The following THRB variants were observed in gnomAD, a reference collection of about 807,000 sequenced individuals.
THRB encodes the protein thyroid hormone receptor beta.
A neutral mutation model predicts 47.8 loss-of-function variants in THRB; 12 were observed. The observed-to-expected ratio is 0.25, with a 90% confidence interval of 0.16 to 0.41. The LOEUF is 0.41. THRB is among the 10% of genes least tolerant of loss of function. THRB has a pLI of 1.00. For synonymous variants in THRB, 218 were observed against 212.2 expected, an observed-to-expected ratio of 1.03 and a Z score of -0.24; for missense variants, 348 against 589.2, an observed-to-expected ratio of 0.59 and a Z score of 4.24.
intron 3 of THRB, among the ~76,000 whole-genome samples, chr3:24,237,347 C>G (rs1340556287): frequency 6.6e-6 from 1 of 152,170 alleles, no homozygotes; most frequent in East Asian, 1.9e-4. Context: ...ATAATTCAAC[C>G]AGGGTCTATG....
rs1381997703 is a variant in THRB, at chr3:24,143,940, C to T, written c.533-234G>A. The T allele has an allele frequency of 2.6e-5, 15 of 574,744 alleles. No homozygotes were observed. In the East Asian group the frequency reaches 4.2e-4, roughly 16 times the overall value. 35.6% of individuals were successfully genotyped at this position (574,744 alleles called of 1,614,324 possible). ...CCCATGACCGGCCAGCTTTTCAAAA[C>T]AAAGTCCCCAGAGAACCTAGACACT... On this transcript the variant is annotated intron_variant, in intron 7 of 10. Coordinates refer to ENST00000646209, the MANE Select transcript of THRB (RefSeq NM_001354712.2).
chr3:24,210,325 G>A (rs6800891), intron 4 of THRB, among the ~76,000 whole-genome samples: 22,831 of 152,086 alleles, frequency 0.15, 5,003 homozygotes, highest in African/African-American at 0.48. Flanking sequence ...TTCATGTGAA[G>A]ATTATTTGTT....
chr3:24,374,531 T>C (rs963886324), intron 1 of THRB, among the ~76,000 whole-genome samples: 7 of 152,260 alleles, frequency 4.6e-5, no homozygotes, highest in African/African-American at 1.4e-4. Flanking sequence ...ATAAATAGAC[T>C]TCAGGGCTGA....
intron 2 of THRB, among the ~76,000 whole-genome samples, chr3:24,299,928 G>A (rs903838897): frequency 3.9e-5 from 6 of 151,900 alleles, no homozygotes; most frequent in East Asian, 1.9e-4. Flanking sequence ...AAGAGGAGCA[G>A]GACAGCTTTG....
chr3:24,209,822 A>T (rs1008951035), intron 4 of THRB, among the ~76,000 whole-genome samples: 16 of 151,676 alleles, frequency 1.1e-4, no homozygotes, highest in South Asian at 4.2e-4. Context: ...TTAAAATATT[A>T]AAAAAAAATG....
At chr3:24,264,743 A>G (rs1046592221) in intron 3 of THRB, among the ~76,000 whole-genome samples, 6 of 151,972 alleles carry the variant, frequency 3.9e-5, no homozygotes, top group East Asian at 1.9e-4. Flanking sequence ...CTGAAAATCA[A>G]TGTTTCAAAT....
chr3:24,253,967 T>G (rs951001639), intron 3 of THRB, among the ~76,000 whole-genome samples: 1 of 151,556 alleles, frequency 6.6e-6, no homozygotes, highest in African/African-American at 2.4e-5. Context: ...TTTTTTTTCT[T>G]ACCACACAAG....
chr3:24,472,360 G>A (rs1314472960), intron 1 of THRB, among the ~76,000 whole-genome samples: 2 of 152,134 alleles, frequency 1.3e-5, no homozygotes, highest in African/African-American at 2.4e-5. Flanking sequence ...CCAGCTACCT[G>A]AATGGCAACA....
intron 3 of THRB, among the ~76,000 whole-genome samples, chr3:24,271,825 A>G (rs2150662341): frequency 6.6e-6 from 1 of 152,290 alleles, no homozygotes; most frequent in Non-Finnish European, 1.5e-5. Flanking sequence ...GAGTACAGGT[A>G]TGTAAGCTCT....
intron 1 of THRB, among the ~76,000 whole-genome samples, chr3:24,443,871 T>C (rs576817403): frequency 6.6e-6 from 1 of 152,266 alleles, no homozygotes; most frequent in South Asian, 2.1e-4. Flanking sequence ...ATAAATTGCT[T>C]AATGTTACAC....
chr3:24,327,916 A>G (rs972440452), intron 2 of THRB, among the ~76,000 whole-genome samples: 11 of 152,236 alleles, frequency 7.2e-5, no homozygotes, highest in Non-Finnish European at 1.3e-4. Context: ...GAGATGGACA[A>G]AGAGATAATA....
At chr3:24,317,264 C>G (rs1308626115) in intron 2 of THRB, among the ~76,000 whole-genome samples, 1 of 152,072 alleles carries the variant, frequency 6.6e-6, no homozygotes, top group Non-Finnish European at 1.5e-5. Context: ...CTTTCCAACT[C>G]TAGGGTGCTT....
At chr3:24,206,895 T>C (rs2149798061) in intron 4 of THRB, among the ~76,000 whole-genome samples, 1 of 152,274 alleles carries the variant, frequency 6.6e-6, no homozygotes, top group East Asian at 1.9e-4. Context: ...CTAGAAAATC[T>C]AGAAGAAATG....
chr3:24,493,666 C>T (rs979532117), intron 1 of THRB, among the ~76,000 whole-genome samples: 2 of 152,220 alleles, frequency 1.3e-5, no homozygotes, highest in African/African-American at 4.8e-5. Flanking sequence ...CATGCAAACT[C>T]TTTCCTTTCT....
chr3:24,359,816 T>C (rs2149631596), intron 1 of THRB, among the ~76,000 whole-genome samples: 1 of 152,296 alleles, frequency 6.6e-6, no homozygotes, highest in Admixed American at 6.5e-5. Flanking sequence ...TTCTTTCTGC[T>C]ACCCACTTCT....
At chr3:24,200,038 T>G (rs1482007904) in intron 4 of THRB, among the ~76,000 whole-genome samples, 1 of 152,208 alleles carries the variant, frequency 6.6e-6, no homozygotes, top group East Asian at 1.9e-4. Flanking sequence ...CAGAGAGTCC[T>G]TAGGTTGGAT....
chr3:24,314,634 C>T (rs1403325236), intron 2 of THRB, among the ~76,000 whole-genome samples: 1 of 152,114 alleles, frequency 6.6e-6, no homozygotes, highest in East Asian at 1.9e-4. Context: ...TGCTTCAGTC[C>T]TTCTCATGCT....
intron 1 of THRB, among the ~76,000 whole-genome samples, chr3:24,443,913 C>T (rs961891936): frequency 2.0e-5 from 3 of 152,122 alleles, no homozygotes; most frequent in African/African-American, 7.2e-5. Flanking sequence ...AATTTGACTC[C>T]AGCTCTGTCT....
chr3:24,331,792 T>C (rs1012798060), intron 2 of THRB, among the ~76,000 whole-genome samples: 12 of 152,098 alleles, frequency 7.9e-5, no homozygotes, highest in African/African-American at 2.9e-4. Flanking sequence ...ATCACATGCA[T>C]CTATTTTCTC....
Sources: allele counts gnomAD v4.1 joint callset (sites outside exome capture counted in the v4.1 genomes callset), GRCh38; gene constraint gnomAD v4.1.1; transcripts MANE v1.5; gene names NCBI Gene and HGNC (gene_info 2026-07-23, HGNC 2026-07-21).